Variants in HPS3 observed in about 807,000 individuals in gnomAD.
The protein encoded by HPS3 is BLOC-2 complex member HPS3.
Under a neutral mutation model 110.9 loss-of-function variants are expected in HPS3, and 79 were observed. That is an observed-to-expected ratio of 0.71 (90% CI 0.59 to 0.86). HPS3 has a LOEUF of 0.86. Among genes scored for constraint, HPS3 ranks in the 40% least tolerant of loss-of-function variants. The probability of loss-of-function intolerance (pLI) is 0.00; values close to 1 mark genes in which losing one functional copy is unlikely to be tolerated. For missense variants in HPS3, 1,197 were observed against 1,206.2 expected (o/e 0.99, Z 0.11); for synonymous variants, 428 against 451.0 (o/e 0.95, Z 0.65).
intron 9 of HPS3, among the ~76,000 whole-genome samples, chr3:149,158,269 C>G (rs1049977685): frequency 1.3e-5 from 2 of 152,106 alleles, no homozygotes; most frequent in Non-Finnish European, 1.5e-5. Flanking sequence ...CCTATAAACA[C>G]CATTATTTTA....
rs529624415 is a variant in HPS3, at chr3:149,140,191, C to A, written c.405C>A (p.Ala135=). ...MYIIEMPLSE[A]PLCISCCPVK... is the part of the protein sequence containing the mutation. ...TTATTGAAATGCCGCTTTCGGAGGC[C>A]CCCTTGTGCATTTCCTGTTGCCCTG... Residue 135 remains alanine (A), a synonymous_variant, in exon 2 of 17, where the codon GCC becomes GCA. Transcript: ENST00000296051. The A allele has an allele frequency of 3.1e-6, 5 of 1,614,108 alleles. No homozygotes were observed. Among genetic ancestry groups the A allele is most frequent in the Middle Eastern group, 3.3e-4 (2 of 6,060 alleles).
At chr3:149,146,557 G>C (rs1722787894) in intron 5 of HPS3, among the ~76,000 whole-genome samples, 1 of 152,190 alleles carries the variant, frequency 6.6e-6, no homozygotes, top group Non-Finnish European at 1.5e-5. Context: ...AATTGCACAG[G>C]ACAGAGATCA....
At chr3:149,168,354 T>G in intron 16 of HPS3, 1 of 216,024 alleles carries the variant, frequency 4.6e-6, no homozygotes, top group South Asian at 7.2e-5. Context: ...TTAAACATAA[T>G]TATAAGCAAG....
chr3:149,135,618 G>C (rs886747221), intron 1 of HPS3, among the ~76,000 whole-genome samples: 2 of 152,158 alleles, frequency 1.3e-5, no homozygotes, highest in African/African-American at 4.8e-5. Flanking sequence ...TCAGGTATTT[G>C]CTTGTAGCAG....
chr3:149,162,536 T>A, intron 12 of HPS3, 154 bp from the exon 13 acceptor site: 1 of 988,916 alleles, frequency 1.0e-6, no homozygotes, highest in Non-Finnish European at 1.6e-6. Flanking sequence ...TGTTTCCTTT[T>A]AAAAATGTCT....
Position 149,172,495 on chromosome 3 carries a change from T to C in HPS3, c.*273T>C, listed in dbSNP as rs1725103264. On this transcript the variant is annotated 3_prime_UTR_variant, in exon 17 of 17. Coordinates refer to ENST00000296051, the MANE Select transcript of HPS3 (RefSeq NM_032383.5). ...ACATAAGAATTCCTCAAAGAAGCCA[T>C]ACATTTTTTAAGGTGGGGATTGACT... is the stretch of plus-strand genomic sequence containing the variant. The C allele has an allele frequency of 3.2e-6, 1 of 312,744 alleles. No individual in the cohort carries two copies. Among genetic ancestry groups the C allele is most frequent in the Non-Finnish European group, 6.1e-6 (1 of 162,866 alleles). 19.4% of individuals were successfully genotyped at this position (312,744 alleles called of 1,614,324 possible). A position where few individuals can be genotyped will look rare whatever the true frequency, so the allele number is the denominator to read the frequency against.
chr3:149,156,448 C>G (rs930103834), intron 8 of HPS3, among the ~76,000 whole-genome samples: 2 of 152,112 alleles, frequency 1.3e-5, no homozygotes, highest in African/African-American at 4.8e-5. Context: ...TATGATGTCT[C>G]TTTAGCCTCC....
At chr3:149,142,343 A>T (rs933662368) in intron 4 of HPS3, among the ~76,000 whole-genome samples, 2 of 152,166 alleles carry the variant, frequency 1.3e-5, no homozygotes, top group Non-Finnish European at 2.9e-5. Context: ...GCTTCTTATG[A>T]TTGGCTTGTG....
intron 16 of HPS3, among the ~76,000 whole-genome samples, 173 bp from the exon 17 acceptor site, chr3:149,171,922 G>A (rs1725031141): frequency 6.6e-6 from 1 of 151,954 alleles, no homozygotes; most frequent in Admixed American, 6.6e-5. Context: ...GGCCAGACTG[G>A]TCTTGAACTC....
chr3:149,132,103 A>G (rs1341687204), intron 1 of HPS3, among the ~76,000 whole-genome samples: 3 of 152,248 alleles, frequency 2.0e-5, no homozygotes, highest in African/African-American at 7.2e-5. Flanking sequence ...GTGCAAGGTG[A>G]AACAGCAAGT....
chr3:149,162,647 T>C (rs1458169822), intron 12 of HPS3, 43 bp from the exon 13 acceptor site: 1 of 1,591,030 alleles, frequency 6.3e-7, no homozygotes, highest in Non-Finnish European at 8.6e-7. Context: ...TTATCAGTGC[T>C]ATATTTATCT....
intron 1 of HPS3, among the ~76,000 whole-genome samples, chr3:149,131,852 GT>G (rs1721800930): frequency 6.6e-6 from 1 of 152,274 alleles, no homozygotes; most frequent in Admixed American, 6.5e-5. Context: ...GAAATTAAGT[GT>G]TACTCCAGTG....
At chr3:149,152,441 G>C (rs1723187749) in intron 6 of HPS3, among the ~76,000 whole-genome samples, 1 of 152,142 alleles carries the variant, frequency 6.6e-6, no homozygotes. Context: ...AGGAGAGGTG[G>C]GCATCTGGTG....
intron 1 of HPS3, among the ~76,000 whole-genome samples, chr3:149,134,525 A>T (rs1387539043): frequency 6.6e-6 from 1 of 152,166 alleles, no homozygotes; most frequent in Non-Finnish European, 1.5e-5. Context: ...TACCTGTCGG[A>T]TCCTTGGATG....
intron 4 of HPS3, 77 bp downstream of exon 4, chr3:149,141,457 G>A (rs1251133963): frequency 2.6e-6 from 3 of 1,151,776 alleles, no homozygotes; most frequent in Non-Finnish European, 3.9e-6. Context: ...GAAGACCCAT[G>A]TGGGTAATAG....
chr3:149,152,257 C>T (rs565331640), intron 6 of HPS3, among the ~76,000 whole-genome samples: 44 of 152,196 alleles, frequency 2.9e-4, no homozygotes, highest in African/African-American at 8.9e-4. Flanking sequence ...CCCCTCCTTG[C>T]GTTTTCAAAC....
Position 149,129,675 on chromosome 3 carries a change from C to T in HPS3, c.-49C>T, listed in dbSNP as rs758553017. 6 of 1,406,086 alleles carry T rather than the reference C, an allele frequency of 4.3e-6. No homozygotes were observed. The highest frequency in any genetic ancestry group is 5.2e-5 in the East Asian group (2 of 38,598). The allele number at this position is 1,406,086 out of a possible 1,614,324, so 87.1% of individuals were successfully genotyped here. A position where few individuals can be genotyped will look rare whatever the true frequency, so the allele number is the denominator to read the frequency against. ...ACATTCGCGGTCAGCGCGGGGTCTC[C>T]GGGCGCCCTGCAGGGCGGGCAGGCT... is the stretch of plus-strand genomic sequence containing the variant. On this transcript the variant is annotated 5_prime_UTR_variant, in exon 1 of 17. Transcript: ENST00000296051.
chr3:149,137,982 G>A (rs1246980771), intron 1 of HPS3, among the ~76,000 whole-genome samples: 10 of 151,870 alleles, frequency 6.6e-5, no homozygotes, highest in African/African-American at 4.9e-5. Flanking sequence ...TGTGTGTATC[G>A]TACTACAATA....
At chr3:149,161,511 T>TTG (rs1394032222) in intron 11 of HPS3, among the ~76,000 whole-genome samples, 20 of 142,630 alleles carry the variant, frequency 1.4e-4, no homozygotes, top group Non-Finnish European at 2.6e-4. Context: ...CCACACCCTT[T>TTG]TTTTTTTTTT....
Sources: allele counts gnomAD v4.1 joint callset (sites outside exome capture counted in the v4.1 genomes callset), GRCh38; gene constraint gnomAD v4.1.1; transcripts MANE v1.5; gene names NCBI Gene and HGNC (gene_info 2026-07-23, HGNC 2026-07-21).